The following PSAP variants were observed in gnomAD, a reference collection of about 807,000 sequenced individuals.
PSAP encodes the protein precursor of saposins.
Under a neutral mutation model 66.0 loss-of-function variants are expected in PSAP, and 25 were observed. The observed-to-expected ratio is 0.38, with a 90% CI of 0.28 to 0.53. The LOEUF (loss-of-function observed/expected upper bound fraction) is 0.53, where lower values mean the gene tolerates loss of function less well. Among genes scored for constraint, PSAP ranks in the 20% least tolerant of loss-of-function variants. The probability of loss-of-function intolerance (pLI) is 0.83; values close to 1 mark genes in which losing one functional copy is unlikely to be tolerated. For synonymous variants in PSAP, 273 were observed against 258.9 expected, an observed-to-expected ratio of 1.05 and a Z score of -0.52; for missense variants, 649 against 668.8, an observed-to-expected ratio of 0.97 and a Z score of 0.33.
intron 6 of PSAP, among the ~76,000 whole-genome samples, 157 bp downstream of exon 6, chr10:71,827,857 A>G (rs1489049649): frequency 6.6e-6 from 1 of 152,166 alleles, no homozygotes; most frequent in Non-Finnish European, 1.5e-5. Flanking sequence ...TTACATATCC[A>G]GATGCCATTA....
At chr10:71,844,780 A>C (rs11596365) in intron 1 of PSAP, 1 of 152,032 alleles carries the variant, frequency 6.6e-6, no homozygotes, top group Non-Finnish European at 1.5e-5. Context: ...ACAAATTCTA[A>C]AAGACATAAC....
At position 71,819,813 on chromosome 10, in the gene PSAP, C is replaced by T. The variant is rs747170456; in HGVS notation, c.1093G>A (p.Gly365Ser). Reference protein sequence around the residue: ...EECQEVVDTYGSSILSILLEE... With the variant: ...EECQEVVDTYSSSILSILLEE... ...AGCAGGATGGACAGGATGGAGCTGC[C>T]GTACGTGTCCACCACCTCCTGGCAC... The change falls in exon 10 of 14, where the codon GGC becomes AGC. Residue 365 changes from glycine (G) to serine (S), a missense_variant. Gly to Ser is a moderately conservative substitution (Grantham distance 56). Transcript: ENST00000394936. 4.3e-6 allele frequency: 7 copies of T among 1,614,016 alleles called. No individual in the cohort carries two copies. The highest frequency in any genetic ancestry group is 3.3e-5 in the Admixed American group (2 of 60,012).
At chr10:71,822,259 TC>T in intron 7 of PSAP, 1 of 543,462 alleles carries the variant, frequency 1.8e-6, no homozygotes, top group Non-Finnish European at 3.3e-6. Context: ...AAACAGAGTC[TC>T]CATCCAGGGC....
intron 1 of PSAP, among the ~76,000 whole-genome samples, chr10:71,843,100 T>C (rs929768535): frequency 1.3e-5 from 2 of 151,720 alleles, no homozygotes; most frequent in Non-Finnish European, 1.5e-5. Flanking sequence ...TAAAGCAAGG[T>C]GGGGTGGGGC....
chr10:71,834,072 GC>G (rs755138715), intron 2 of PSAP, among the ~76,000 whole-genome samples: 1 of 152,302 alleles, frequency 6.6e-6, no homozygotes, highest in East Asian at 1.9e-4. Flanking sequence ...CTGCACAGAG[GC>G]CCAGAGGCAG....
chr10:71,817,108 AG>A lies in PSAP; in HGVS notation c.*332del, dbSNP rs999463849. 2 of 451,300 alleles carry A rather than the reference AG, an allele frequency of 4.4e-6. No homozygotes were observed. The highest frequency in any genetic ancestry group is 1.3e-3 in the Middle Eastern group (2 of 1,600). The allele number at this position is 451,300 out of a possible 1,614,324, so 28.0% of individuals were successfully genotyped here. ...GGCTCAGAACAAGGCCTCAACCAAG[AG>A]GGTTGATGGCCTCCAGTCAAGAAAC... On this transcript the variant is annotated 3_prime_UTR_variant, in exon 14 of 14. Transcript: ENST00000394936.
chr10:71,845,875 T>G (rs114402225), intron 1 of PSAP, among the ~76,000 whole-genome samples: 6 of 152,310 alleles, frequency 3.9e-5, no homozygotes, highest in African/African-American at 1.4e-4. Context: ...AACTCCCTCC[T>G]AACTGCTGTC....
At chr10:71,849,683 CTTTTTT>C (rs1290370429) in intron 1 of PSAP, among the ~76,000 whole-genome samples, 1 of 151,904 alleles carries the variant, frequency 6.6e-6, no homozygotes, top group Non-Finnish European at 1.5e-5. Context: ...TTCTCTTTTT[CTTTTTT>C]TCACAGGTGG....
At chr10:71,820,498 A>G (rs1300180547) in intron 8 of PSAP, among the ~76,000 whole-genome samples, 163 bp from the exon 9 acceptor site, 3 of 151,858 alleles carry the variant, frequency 2.0e-5, no homozygotes, top group African/African-American at 4.8e-5. Flanking sequence ...ATCCAAGTTA[A>G]TTCCCTATTT....
chr10:71,822,903 G>GA (rs1842333628), intron 7 of PSAP, among the ~76,000 whole-genome samples: 1 of 151,536 alleles, frequency 6.6e-6, no homozygotes, highest in African/African-American at 2.4e-5. Context: ...GGGGGAGTCT[G>GA]AAAAGTATAT....
At chr10:71,846,731 C>CAAA (rs56323015) in intron 1 of PSAP, among the ~76,000 whole-genome samples, 4 of 49,684 alleles carry the variant, frequency 8.1e-5, no homozygotes, top group Non-Finnish European at 1.1e-4. Flanking sequence ...GACCCTGTCT[C>CAAA]AAAAAAAAAA....
intron 1 of PSAP, among the ~76,000 whole-genome samples, chr10:71,850,960 G>A (rs1251053964): frequency 2.0e-5 from 3 of 152,256 alleles, no homozygotes; most frequent in Non-Finnish European, 4.4e-5. Flanking sequence ...GCTGCCCAGG[G>A]CCTGGGCCGT....
At chr10:71,836,442 C>T (rs1842630170) in intron 1 of PSAP, among the ~76,000 whole-genome samples, 1 of 152,170 alleles carries the variant, frequency 6.6e-6, no homozygotes, top group Non-Finnish European at 1.5e-5. Flanking sequence ...GAACCCCAGA[C>T]CTGATGACTC....
At chr10:71,827,439 G>A (rs1047642947) in intron 6 of PSAP, among the ~76,000 whole-genome samples, 1 of 150,378 alleles carries the variant, frequency 6.6e-6, no homozygotes, top group African/African-American at 2.4e-5. Context: ...AAAAAAATGG[G>A]GTAAAGGCCG....
At chr10:71,832,468 G>T (rs909980235) in intron 2 of PSAP, among the ~76,000 whole-genome samples, 5 of 152,216 alleles carry the variant, frequency 3.3e-5, no homozygotes, top group Admixed American at 2.0e-4. Context: ...CCTTGGGGAA[G>T]AATGCCCAGG....
rs1842189013 is a variant in PSAP at position 71,817,362 on chromosome 10, C to T, written c.*79G>A. ...ATTTTTATAACAAAGTCAAACAGAT[C>T]TGTGCGTTCATTCCCCCAGACACAC... On this transcript the variant is annotated 3_prime_UTR_variant, in exon 14 of 14. Transcript: ENST00000394936. The T allele has an allele frequency of 9.1e-6, 13 of 1,431,826 alleles. No individual in the cohort carries two copies. Among genetic ancestry groups the T allele is most frequent in the Non-Finnish European group, 1.2e-5 (12 of 1,014,184 alleles). The allele number at this position is 1,431,826 out of a possible 1,614,324, so 88.7% of individuals were successfully genotyped here.
At chr10:71,841,337 G>A (rs1286270455) in intron 1 of PSAP, among the ~76,000 whole-genome samples, 2 of 152,256 alleles carry the variant, frequency 1.3e-5, no homozygotes, top group East Asian at 1.9e-4. Context: ...TCAGTATTCT[G>A]AACCTGTCTC....
chr10:71,822,147 G>A, intron 7 of PSAP, 140 bp from the exon 8 acceptor site: 3 of 1,145,132 alleles, frequency 2.6e-6, no homozygotes, highest in South Asian at 1.3e-5. Flanking sequence ...CCCACAACGG[G>A]GCAGATTCCA....
chr10:71,822,089 G>A, intron 7 of PSAP, 82 bp from the exon 8 acceptor site: 1 of 1,599,934 alleles, frequency 6.3e-7, no homozygotes, highest in South Asian at 1.1e-5. Flanking sequence ...AGGACAGGGA[G>A]CTGGACAGCA....
Sources: gnomAD v4.1 joint callset for allele counts (sites outside exome capture counted in the v4.1 genomes callset) on GRCh38, gnomAD v4.1.1 for gene constraint, MANE v1.5 for transcripts, NCBI Gene and HGNC (gene_info 2026-07-23, HGNC 2026-07-21) for gene names.